Variants in IMMT observed in about 807,000 individuals in gnomAD.
IMMT encodes inner membrane mitochondrial protein.
Under a neutral mutation model 92.7 loss-of-function variants are expected in IMMT, and 40 were observed. The ratio of observed to expected loss-of-function variants is 0.43; its 90% CI spans 0.34 to 0.56. The LOEUF is 0.56. Ranked by LOEUF, IMMT falls within the 20% of genes least tolerant of loss-of-function variation. IMMT has a pLI of 0.03. For synonymous variants in IMMT, 322 were observed against 336.1 expected, an observed-to-expected ratio of 0.96 and a Z score of 0.46; for missense variants, 831 against 912.1, an observed-to-expected ratio of 0.91 and a Z score of 1.14.
At chr2:86,159,277 G>A (rs1344886304) in intron 9 of IMMT, 2 of 470,724 alleles carry the variant, frequency 4.2e-6, no homozygotes, top group Non-Finnish European at 7.8e-6. Context: ...TAGAAACAGA[G>A]TTTCACCATG....
chr2:86,188,655 C>T (rs893791858), intron 1 of IMMT, among the ~76,000 whole-genome samples: 2 of 152,208 alleles, frequency 1.3e-5, no homozygotes, highest in South Asian at 2.1e-4. Flanking sequence ...TGAACTCCTG[C>T]GCTCAAGCGT....
chr2:86,170,824 TAGA>T lies in IMMT; in HGVS notation c.577_579del (p.Ser193del). 1.3e-6 allele frequency: 2 copies of T among 1,584,338 alleles called. No individual in the cohort carries two copies. The highest frequency in any genetic ancestry group is 1.3e-5 in the African/African-American group (1 of 74,812). ...ACTTCTTCAGGTGGTCGCTCCCTTA[TAGA>T]AGATGAGGATGCTTCTTCTTGCAGC... On this transcript the variant is annotated inframe_deletion, in exon 6 of 15. Transcript: ENST00000410111.
chr2:86,151,162 C>A (rs1675444625), intron 12 of IMMT, 135 bp downstream of exon 12: 4 of 716,936 alleles, frequency 5.6e-6, no homozygotes, highest in Non-Finnish European at 7.2e-6. Flanking sequence ...AAGGGATCCA[C>A]CCACCTTGGC....
chr2:86,163,988 T>C (rs1237687037), intron 7 of IMMT, among the ~76,000 whole-genome samples: 1 of 146,194 alleles, frequency 6.8e-6, no homozygotes, highest in East Asian at 2.0e-4. Context: ...ATGTAAAATT[T>C]TGCAAAGTAT....
chr2:86,144,627 T>C lies in IMMT; in HGVS notation c.1918A>G (p.Lys640Glu). Residue 640 changes from lysine (K) to glutamate (E), a missense_variant, in exon 15 of 15, where the codon AAA becomes GAA. Physicochemically the swap from Lys to Glu is moderately conservative, Grantham distance 56. Transcript: ENST00000410111. The stretch of plus-strand genomic sequence containing the variant: ...ATCATTGCTACCCTTCGGGCCAGTT[T>C]TTGAACAGCATAGAAACGGGCTCTA... ...TLRARFYAVQ[K>E]LARRVAMIDE... 6.2e-7 allele frequency: 1 copy of C among 1,613,996 alleles called. No individual in the cohort carries two copies. The highest frequency in any genetic ancestry group is 8.5e-7 in the Non-Finnish European group (1 of 1,179,894).
chr2:86,171,957 ATATTT>A (rs1168551388), intron 4 of IMMT, among the ~76,000 whole-genome samples: 1,834 of 133,444 alleles, frequency 0.014, 31 homozygotes, highest in East Asian at 0.093. Context: ...TGTGTGTAGT[ATATTT>A]TTTTTTTTTT....
chr2:86,148,484 T>C lies in IMMT; in HGVS notation c.1402-651A>G, dbSNP rs557942260. Reference sequence around the variant, plus strand: ...AAAATTAGCCGGGTGTGGTGGCGGGTGCCTGTAGTCCCAGCTACTCGGGAG... The same window carrying C: ...AAAATTAGCCGGGTGTGGTGGCGGGCGCCTGTAGTCCCAGCTACTCGGGAG... On this transcript the variant is annotated intron_variant, in intron 12 of 14. Coordinates refer to ENST00000410111, the MANE Select transcript of IMMT (RefSeq NM_006839.3). 1.8e-3 allele frequency among the ~76,000 whole-genome samples: 268 copies of C among 150,700 alleles called. 5 individuals carry two copies. In the East Asian group the frequency reaches 0.045, roughly 25 times the overall value.
intron 2 of IMMT, 94 bp downstream of exon 2, chr2:86,181,205 A>G: frequency 1.2e-6 from 1 of 862,638 alleles, no homozygotes; most frequent in Non-Finnish European, 1.9e-6. Flanking sequence ...TTTTAAAAAA[A>G]GGTTTAGACA....
At chr2:86,166,456 T>C in intron 7 of IMMT, 52 bp downstream of exon 7, 1 of 1,540,168 alleles carries the variant, frequency 6.5e-7, no homozygotes, top group Non-Finnish European at 8.8e-7. Flanking sequence ...TTTTTCTTTT[T>C]GTCCTCCAAG....
chr2:86,147,894 C>T, intron 12 of IMMT, 61 bp from the exon 13 acceptor site: 2 of 1,535,122 alleles, frequency 1.3e-6, no homozygotes, highest in South Asian at 2.3e-5. Context: ...TTTAGGAAAA[C>T]AGAAAGACCA....
chr2:86,144,950 T>A (rs1674881093), intron 14 of IMMT, 69 bp from the exon 15 acceptor site: 1 of 1,502,762 alleles, frequency 6.7e-7, no homozygotes. Context: ...ACAGAACTGA[T>A]GCACATTCAA....
At chr2:86,187,773 G>A (rs562513644) in intron 1 of IMMT, among the ~76,000 whole-genome samples, 9 of 152,016 alleles carry the variant, frequency 5.9e-5, no homozygotes, top group African/African-American at 2.2e-4. Flanking sequence ...TTAGCTGGGC[G>A]TGGTGGCGCA....
chr2:86,162,547 A>T (rs999072830), intron 7 of IMMT, among the ~76,000 whole-genome samples: 2 of 130,294 alleles, frequency 1.5e-5, no homozygotes, highest in South Asian at 2.2e-4. Context: ...AATGTGTATT[A>T]AAAAAAAAAA....
At chr2:86,169,632 C>CA in intron 6 of IMMT, among the ~76,000 whole-genome samples, 1 of 152,114 alleles carries the variant, frequency 6.6e-6, no homozygotes, top group African/African-American at 2.4e-5. Flanking sequence ...TAGCACAGTA[C>CA]AAAAAATTAT....
In IMMT at chr2:86,170,786, A is replaced by G; in HGVS notation, c.618T>C (p.Leu206=). 1 of 1,590,010 alleles carries G rather than the reference A, an allele frequency of 6.3e-7. No homozygotes were observed. The highest frequency in any genetic ancestry group is 8.6e-7 in the Non-Finnish European group (1 of 1,166,624). ...CTTGTTCTTGTTTTTCCTGTTGTGCAAGGCGAGCTGCAACTTCTTCAGGTG... is the reference window on the plus strand; with the variant it reads ...CTTGTTCTTGTTTTTCCTGTTGTGCGAGGCGAGCTGCAACTTCTTCAGGTG... ...ERPPEEVAAR[L]AQQEKQEQVK... is the part of the protein sequence containing the mutation. Residue 206 remains leucine, a synonymous_variant, in exon 6 of 15, where the codon CTT becomes CTC. Coordinates refer to ENST00000410111, the MANE Select transcript of IMMT (RefSeq NM_006839.3).
intron 11 of IMMT, among the ~76,000 whole-genome samples, chr2:86,152,769 A>AC (rs2104715780): frequency 6.6e-6 from 1 of 152,012 alleles, no homozygotes; most frequent in African/African-American, 2.4e-5. Context: ...CAAAAAAAAA[A>AC]GAATTATGAC....
At chr2:86,158,927 T>C (rs1676064735) in intron 9 of IMMT, among the ~76,000 whole-genome samples, 1 of 152,066 alleles carries the variant, frequency 6.6e-6, no homozygotes, top group East Asian at 1.9e-4. Flanking sequence ...CATCTTACTA[T>C]GCCCCCTCCC....
chr2:86,188,072 T>C (rs1672892805), intron 1 of IMMT, among the ~76,000 whole-genome samples: 1 of 152,054 alleles, frequency 6.6e-6, no homozygotes, highest in Admixed American at 6.5e-5. Context: ...GGAGTTTTGC[T>C]CTTGTCGCCC....
rs1333981440 is a variant in IMMT, at chr2:86,195,424, G to A, written c.-42C>T. 2 of 1,541,186 alleles carry A rather than the reference G, an allele frequency of 1.3e-6. No homozygotes were observed. Among genetic ancestry groups the A allele is most frequent in the Non-Finnish European group, 1.8e-6 (2 of 1,142,574 alleles). On this transcript the variant is annotated 5_prime_UTR_variant, in exon 1 of 15. Coordinates refer to ENST00000410111, the MANE Select transcript of IMMT (RefSeq NM_006839.3). ...GCGCTGCTGGTGGACTCGAGCTGCC[G>A]CGGCGGCGCGAGTTAAGTGGAGGCG...
Sources: allele counts gnomAD v4.1 joint callset (sites outside exome capture counted in the v4.1 genomes callset), GRCh38; gene constraint gnomAD v4.1.1; transcripts MANE v1.5; gene names NCBI Gene and HGNC (gene_info 2026-07-23, HGNC 2026-07-21).